Variants in GABRA3 observed in about 807,000 individuals in gnomAD.
GABRA3 encodes gamma-aminobutyric acid type A receptor subunit alpha3.
A neutral mutation model predicts 30.1 loss-of-function variants in GABRA3; 10 were observed. The observed-to-expected ratio is 0.33, with a 90% CI of 0.20 to 0.56. The LOEUF (loss-of-function observed/expected upper bound fraction) is 0.56, where lower values mean the gene tolerates loss of function less well. GABRA3 is among the 20% of genes least tolerant of loss of function. The pLI is 0.89. For synonymous variants in GABRA3, 151 were observed against 146.8 expected, an observed-to-expected ratio of 1.03 and a Z score of -0.21; for missense variants, 233 against 392.0, an observed-to-expected ratio of 0.59 and a Z score of 3.42.
chrX:152,231,222 C>CACATAT (rs2124387722), intron 5 of GABRA3, among the ~76,000 whole-genome samples: 1 of 106,324 alleles, frequency 9.4e-6, no homozygotes, highest in Non-Finnish European at 1.9e-5. Flanking sequence ...TATACATACA[C>CACATAT]GTATATATAC....
intron 7 of GABRA3, among the ~76,000 whole-genome samples, chrX:152,207,765 G>A (rs992523486): frequency 5.4e-5 from 6 of 111,940 alleles, no homozygotes; most frequent in African/African-American, 1.6e-4. Flanking sequence ...GCAGGCAATC[G>A]TGGTTAAGAG....
At chrX:152,297,471 C>T (rs1939550739) in intron 3 of GABRA3, among the ~76,000 whole-genome samples, 1 of 111,869 alleles carries the variant, frequency 8.9e-6, no homozygotes, top group Admixed American at 9.5e-5. Flanking sequence ...TTGCCTTTCA[C>T]TCGTTCTAGA....
chrX:152,270,900 C>T (rs1236245045), intron 4 of GABRA3, among the ~76,000 whole-genome samples: 1 of 107,431 alleles, frequency 9.3e-6, no homozygotes, highest in South Asian at 4.1e-4. Flanking sequence ...TTGGAACTTC[C>T]TGGAGACTTG....
intron 4 of GABRA3, among the ~76,000 whole-genome samples, chrX:152,268,060 G>A (rs766397640): frequency 9.1e-6 from 1 of 110,365 alleles, no homozygotes; most frequent in East Asian, 2.9e-4. Context: ...AGTTTTTGAA[G>A]TGCATCATTA....
chrX:152,182,653 C>CATATATGTGT (rs1937185316), intron 9 of GABRA3, among the ~76,000 whole-genome samples: 1 of 8,611 alleles, frequency 1.2e-4, no homozygotes, highest in Admixed American at 3.5e-3. Flanking sequence ...ACTATATATA[C>CATATATGTGT]ATATATAGTG....
chrX:152,381,163 T>C (rs1341508531), intron 1 of GABRA3, among the ~76,000 whole-genome samples: 1 of 112,106 alleles, frequency 8.9e-6, no homozygotes, highest in African/African-American at 3.2e-5. Flanking sequence ...GCTGACACCA[T>C]GCTTCTTGCA....
At chrX:152,269,772 G>T (rs1430255211) in intron 4 of GABRA3, among the ~76,000 whole-genome samples, 1 of 111,848 alleles carries the variant, frequency 8.9e-6, no homozygotes, top group African/African-American at 3.2e-5. Flanking sequence ...ATAGTGCTGG[G>T]AAAACAGAAT....
rs201973480 is a variant in GABRA3, at chrX:152,167,336, C to A, written c.*892G>T. 1 of 112,165 alleles carries A rather than the reference C, an allele frequency of 8.9e-6. No individual in the cohort carries two copies. The highest frequency in any genetic ancestry group is 1.9e-5 in the Non-Finnish European group (1 of 53,296). The allele number at this position is 112,165 out of a possible 1,213,427, so 9.2% of individuals were successfully genotyped here. A position where few individuals can be genotyped will look rare whatever the true frequency, so the allele number is the denominator to read the frequency against. On this transcript the variant is annotated 3_prime_UTR_variant, in exon 10 of 10. Transcript: ENST00000370314. Reference sequence around the variant, plus strand: ...TGGCAGGGAGGTGACTTTTGTATCTCTCCCATATTTTAAAAAAATGTTTTT... The same window carrying A: ...TGGCAGGGAGGTGACTTTTGTATCTATCCCATATTTTAAAAAAATGTTTTT...
intron 1 of GABRA3, among the ~76,000 whole-genome samples, chrX:152,424,832 G>C (rs1293479356): frequency 2.8e-5 from 3 of 108,214 alleles, no homozygotes; most frequent in African/African-American, 1.0e-4. Flanking sequence ...TCCAGAAATA[G>C]AACATACTCT....
Position 152,255,812 on chromosome X carries a change from A to G in GABRA3, c.517T>C (p.Leu173=), listed in dbSNP as rs370910773. The G allele has an allele frequency of 8.3e-7, 1 of 1,209,687 alleles. No individual in the cohort carries two copies. The highest frequency in any genetic ancestry group is 3.0e-5 in the East Asian group (1 of 33,725). The change falls in exon 5 of 10, where the codon TTG becomes CTG. Residue 173 remains leucine (L), a synonymous_variant. Coordinates refer to ENST00000370314, the MANE Select transcript of GABRA3 (RefSeq NM_000808.4). ...NMTTPNKLLR[L]VDNGTLLYTM... ...TAGAGGAGGGTTCCGTTGTCCACCAATCTGAGCAGCTTGTTGGGCGTGGTC... is the reference window on the plus strand; with the variant it reads ...TAGAGGAGGGTTCCGTTGTCCACCAGTCTGAGCAGCTTGTTGGGCGTGGTC...
At chrX:152,281,707 A>G (rs763619479) in intron 4 of GABRA3, among the ~76,000 whole-genome samples, 1 of 111,653 alleles carries the variant, frequency 9.0e-6, no homozygotes, top group Non-Finnish European at 1.9e-5. Context: ...AGTCTTAATA[A>G]TCACTAATGT....
chrX:152,233,069 T>C (rs1938118070), intron 5 of GABRA3, among the ~76,000 whole-genome samples: 1 of 111,667 alleles, frequency 9.0e-6, no homozygotes. Context: ...ATTTCACTGA[T>C]AACTAGTGAT....
Position 152,277,915 on chromosome X carries a change from T to C in GABRA3, c.330+6753A>G, listed in dbSNP as rs187676153. On this transcript the variant is annotated intron_variant, in intron 4 of 9. Coordinates refer to ENST00000370314, the MANE Select transcript of GABRA3 (RefSeq NM_000808.4). ...CCCAGATAAAGCCTGCAAAGTTTATTCAGCTTTAGCAGTGTATGGGGCCAA... is the reference window on the plus strand; with the variant it reads ...CCCAGATAAAGCCTGCAAAGTTTATCCAGCTTTAGCAGTGTATGGGGCCAA... Among the ~76,000 whole-genome samples the C allele has an allele frequency of 3.8e-3, 427 of 111,540 alleles. 1 individual carries two copies. The highest frequency in any genetic ancestry group is 0.013 in the African/African-American group (406 of 30,733).
At chrX:152,404,166 G>A (rs1329082277) in intron 1 of GABRA3, among the ~76,000 whole-genome samples, 1 of 110,982 alleles carries the variant, frequency 9.0e-6, no homozygotes, top group Non-Finnish European at 1.9e-5. Context: ...AGATAACAGA[G>A]GACTTTGGGT....
intron 4 of GABRA3, among the ~76,000 whole-genome samples, chrX:152,271,301 A>C (rs1020323081): frequency 8.9e-6 from 1 of 111,839 alleles, no homozygotes; most frequent in African/African-American, 3.3e-5. Context: ...CAAAATGCTG[A>C]TGATGATATG....
intron 5 of GABRA3, among the ~76,000 whole-genome samples, chrX:152,254,714 G>A (rs887885587): frequency 9.0e-6 from 1 of 111,624 alleles, no homozygotes. Context: ...TTAGTATACA[G>A]ACAAACACAC....
At chrX:152,257,879 A>G (rs1433656397) in intron 4 of GABRA3, among the ~76,000 whole-genome samples, 3 of 112,372 alleles carry the variant, frequency 2.7e-5, no homozygotes, top group African/African-American at 9.7e-5. Flanking sequence ...TGACATCCGA[A>G]TATATACTGT....
At chrX:152,346,753 T>C (rs1232111692) in intron 2 of GABRA3, among the ~76,000 whole-genome samples, 1 of 112,200 alleles carries the variant, frequency 8.9e-6, no homozygotes, top group Admixed American at 9.4e-5. Flanking sequence ...TTAATATCAC[T>C]GATCATCAGA....
At chrX:152,396,767 A>T (rs1285959569) in intron 1 of GABRA3, among the ~76,000 whole-genome samples, 1 of 112,384 alleles carries the variant, frequency 8.9e-6, no homozygotes, top group East Asian at 2.8e-4. Flanking sequence ...CATCATGGTA[A>T]ATGTTCAGAT....
Sources: gnomAD v4.1 joint callset for allele counts (sites outside exome capture counted in the v4.1 genomes callset) on GRCh38, gnomAD v4.1.1 for gene constraint, MANE v1.5 for transcripts, NCBI Gene and HGNC (gene_info 2026-07-23, HGNC 2026-07-21) for gene names.